The following HS3ST4 variants were observed in gnomAD, a reference collection of about 807,000 sequenced individuals.
HS3ST4 encodes heparan sulfate glucosamine 3-O-sulfotransferase 4.
A neutral mutation model predicts 29.2 loss-of-function variants in HS3ST4; 17 were observed. The ratio of observed to expected loss-of-function variants is 0.58; its 90% CI spans 0.40 to 0.87. The LOEUF (loss-of-function observed/expected upper bound fraction) is 0.87. Ranked by LOEUF, HS3ST4 falls within the 40% of genes least tolerant of loss-of-function variation. HS3ST4 has a pLI of 0.00. For synonymous variants in HS3ST4, 314 were observed against 285.7 expected (o/e 1.10, Z -1.00); for missense variants, 627 against 634.5 (o/e 0.99, Z 0.13).
intron 1 of HS3ST4, among the ~76,000 whole-genome samples, chr16:25,737,632 T>C (rs986668335): frequency 1.5e-4 from 23 of 152,074 alleles, no homozygotes; most frequent in African/African-American, 5.3e-4. Context: ...ACTTACTGGG[T>C]ACAATGTACA....
At chr16:25,794,182 ATTTTAAC>A (rs914789566) in intron 1 of HS3ST4, among the ~76,000 whole-genome samples, 4 of 152,132 alleles carry the variant, frequency 2.6e-5, no homozygotes, top group African/African-American at 9.6e-5. Context: ...AATGTAGGAC[ATTTTAAC>A]TTCTCTCTCT....
At chr16:25,743,034 A>G (rs1966664797) in intron 1 of HS3ST4, among the ~76,000 whole-genome samples, 1 of 152,204 alleles carries the variant, frequency 6.6e-6, no homozygotes, top group Admixed American at 6.5e-5. Flanking sequence ...TGGTCATTGA[A>G]GATATCACAG....
At chr16:26,026,671 G>T (rs1045275123) in intron 1 of HS3ST4, among the ~76,000 whole-genome samples, 2 of 152,142 alleles carry the variant, frequency 1.3e-5, no homozygotes, top group African/African-American at 4.8e-5. Flanking sequence ...AAGCTCCCCA[G>T]CTGATTTCTG....
At position 25,979,215 on chromosome 16, in the gene HS3ST4, G is replaced by T. The variant is rs540735671; in HGVS notation, c.735-156397G>T. 6.6e-5 allele frequency among the ~76,000 whole-genome samples: 10 copies of T among 152,204 alleles called. No homozygotes were observed. In the South Asian group the frequency reaches 2.1e-3, roughly 32 times the overall value. On this transcript the variant is annotated intron_variant, in intron 1 of 1. Transcript: ENST00000331351. ...CTGGCCGACTTGTTCTCTCTCTTAA[G>T]CTCTTGATCTTGCTTCTAGCTTTGC...
intron 1 of HS3ST4, among the ~76,000 whole-genome samples, chr16:25,883,785 C>T (rs74475759): frequency 1.3e-5 from 2 of 152,144 alleles, no homozygotes; most frequent in East Asian, 3.8e-4. Flanking sequence ...GAGACTTCAA[C>T]AAGATTAGTC....
At chr16:26,131,442 A>G (rs1190219899) in intron 1 of HS3ST4, among the ~76,000 whole-genome samples, 1 of 152,044 alleles carries the variant, frequency 6.6e-6, no homozygotes, top group Non-Finnish European at 1.5e-5. Context: ...TGACTCTCTT[A>G]CCTTTGCTCA....
chr16:25,966,257 C>T (rs1968841572), intron 1 of HS3ST4, among the ~76,000 whole-genome samples: 1 of 152,058 alleles, frequency 6.6e-6, no homozygotes, highest in South Asian at 2.1e-4. Context: ...GACTTCAGTG[C>T]CTGCACACTT....
At chr16:25,774,897 G>A (rs966614836) in intron 1 of HS3ST4, among the ~76,000 whole-genome samples, 3 of 152,130 alleles carry the variant, frequency 2.0e-5, no homozygotes, top group Non-Finnish European at 4.4e-5. Context: ...GAATTTCCAG[G>A]GATGCAGACA....
chr16:25,754,427 C>A (rs1424059074), intron 1 of HS3ST4, among the ~76,000 whole-genome samples: 7 of 151,908 alleles, frequency 4.6e-5, no homozygotes, highest in South Asian at 2.1e-4. Flanking sequence ...CATTCACCTA[C>A]CACCCATCCA....
intron 1 of HS3ST4, among the ~76,000 whole-genome samples, chr16:25,788,544 CT>C (rs565611368): frequency 1.1e-4 from 13 of 123,550 alleles, no homozygotes; most frequent in East Asian, 4.7e-4. Context: ...TTTCTTCTTT[CT>C]TTTTTTTTTT....
intron 1 of HS3ST4, among the ~76,000 whole-genome samples, chr16:25,748,271 C>T (rs1198492191): frequency 1.3e-5 from 2 of 152,092 alleles, no homozygotes; most frequent in Non-Finnish European, 2.9e-5. Context: ...TAAAATGAAC[C>T]CATACTGTGC....
At chr16:25,704,838 C>T (rs943623566) in intron 1 of HS3ST4, among the ~76,000 whole-genome samples, 1 of 148,696 alleles carries the variant, frequency 6.7e-6, no homozygotes. Flanking sequence ...GAGATCATGC[C>T]ATCACACTCC....
chr16:25,794,180 A>G (rs989179465), intron 1 of HS3ST4, among the ~76,000 whole-genome samples: 2 of 152,142 alleles, frequency 1.3e-5, no homozygotes, highest in Non-Finnish European at 2.9e-5. Flanking sequence ...GGAATGTAGG[A>G]CATTTTAACT....
chr16:25,828,765 G>A (rs546409597), intron 1 of HS3ST4, among the ~76,000 whole-genome samples: 1 of 152,168 alleles, frequency 6.6e-6, no homozygotes, highest in African/African-American at 2.4e-5. Flanking sequence ...TGTGCTATTT[G>A]CATTTCTGTT....
At chr16:25,934,364 A>C (rs150229516) in intron 1 of HS3ST4, among the ~76,000 whole-genome samples, 6 of 152,366 alleles carry the variant, frequency 3.9e-5, no homozygotes, top group Non-Finnish European at 7.3e-5. Flanking sequence ...AACATGAGAC[A>C]GAAGTGGCCA....
intron 1 of HS3ST4, among the ~76,000 whole-genome samples, chr16:25,999,826 T>TTATATATTATATATATTTTA (rs1567290744): frequency 9.0e-6 from 1 of 111,498 alleles, no homozygotes; most frequent in African/African-American, 3.1e-5. Flanking sequence ...ATATATATAT[T>TTATATATTATATATATTTTA]TATATATTAT....
intron 1 of HS3ST4, among the ~76,000 whole-genome samples, chr16:25,930,205 A>C (rs2141687102): frequency 6.6e-6 from 1 of 152,294 alleles, no homozygotes; most frequent in South Asian, 2.1e-4. Context: ...TAGGCATATG[A>C]AGAACATGCT....
At chr16:26,015,471 T>C (rs1445132558) in intron 1 of HS3ST4, among the ~76,000 whole-genome samples, 3 of 152,182 alleles carry the variant, frequency 2.0e-5, no homozygotes, top group East Asian at 3.8e-4. Flanking sequence ...CACCCAAGTC[T>C]CTATGTCCAG....
intron 1 of HS3ST4, among the ~76,000 whole-genome samples, chr16:25,945,925 C>G (rs1168054778): frequency 6.6e-6 from 1 of 152,146 alleles, no homozygotes; most frequent in Non-Finnish European, 1.5e-5. Flanking sequence ...TTGATAGATT[C>G]CCTTTTTTCC....
Sources: allele counts gnomAD v4.1 joint callset (sites outside exome capture counted in the v4.1 genomes callset), GRCh38; gene constraint gnomAD v4.1.1; transcripts MANE v1.5; gene names NCBI Gene and HGNC (gene_info 2026-07-23, HGNC 2026-07-21).